Variants in AGBL1 observed in about 807,000 individuals in gnomAD.
The protein encoded by AGBL1 is AGBL carboxypeptidase 1, also known as cytosolic carboxypeptidase 4.
In AGBL1, 130 loss-of-function variants were observed where a neutral mutation model predicts 118.9. That is an observed-to-expected ratio of 1.09 (90% CI 0.95 to 1.26). AGBL1 has a LOEUF of 1.26. AGBL1 is among the 50% of genes most tolerant of loss of function. The pLI is 0.00. For synonymous variants in AGBL1, 555 were observed against 478.9 expected, an observed-to-expected ratio of 1.16 and a Z score of -2.08; for missense variants, 1,584 against 1,298.1, an observed-to-expected ratio of 1.22 and a Z score of -3.38.
intron 22 of AGBL1, among the ~76,000 whole-genome samples, chr15:86,750,798 A>G (rs1442594685): frequency 1.3e-5 from 2 of 150,790 alleles, no homozygotes; most frequent in African/African-American, 4.9e-5. Flanking sequence ...CCCGCCTTCC[A>G]CCCTCTGATA....
chr15:86,901,559 A>G (rs17703929), intron 22 of AGBL1, among the ~76,000 whole-genome samples: 109 of 152,252 alleles, frequency 7.2e-4, no homozygotes, highest in Non-Finnish European at 1.1e-3. Context: ...ACCAACTTAT[A>G]AAGAGTCCTA....
At chr15:86,845,785 C>A (rs1226588060) in intron 22 of AGBL1, among the ~76,000 whole-genome samples, 1 of 152,182 alleles carries the variant, frequency 6.6e-6, no homozygotes, top group Non-Finnish European at 1.5e-5. Context: ...TCTATTTCTT[C>A]ATGAATCCAT....
chr15:86,111,317 T>C (rs1313241898), intron 1 of AGBL1, among the ~76,000 whole-genome samples: 7 of 152,222 alleles, frequency 4.6e-5, no homozygotes, highest in Non-Finnish European at 1.0e-4. Flanking sequence ...GAATGCTGCT[T>C]TAAGGAAGTC....
At chr15:86,248,334 A>G (rs2078755282) in intron 7 of AGBL1, among the ~76,000 whole-genome samples, 2 of 152,210 alleles carry the variant, frequency 1.3e-5, no homozygotes, top group South Asian at 4.1e-4. Context: ...CAGCAACGGC[A>G]ACAATAAAAT....
chr15:86,724,235 CAA>C (rs1204898095), intron 22 of AGBL1, among the ~76,000 whole-genome samples: 2 of 73,858 alleles, frequency 2.7e-5, no homozygotes, highest in Admixed American at 1.9e-4. Context: ...GACTCCATCT[CAA>C]AAAAAAAAAA....
At chr15:86,733,353 A>T (rs561794686) in intron 22 of AGBL1, among the ~76,000 whole-genome samples, 19 of 152,110 alleles carry the variant, frequency 1.2e-4, no homozygotes, top group Admixed American at 3.3e-4. Flanking sequence ...AGATTGTATG[A>T]TGGCCAACCA....
At chr15:86,741,101 T>C (rs533290446) in intron 22 of AGBL1, among the ~76,000 whole-genome samples, 1 of 152,094 alleles carries the variant, frequency 6.6e-6, no homozygotes, top group South Asian at 2.1e-4. Flanking sequence ...CTACACATCA[T>C]TTGCTACTAG....
At chr15:86,823,227 A>C (rs1043882425) in intron 22 of AGBL1, among the ~76,000 whole-genome samples, 1 of 152,136 alleles carries the variant, frequency 6.6e-6, no homozygotes, top group Non-Finnish European at 1.5e-5. Context: ...CTGCTAATGG[A>C]ACCTAAATAC....
At chr15:86,659,118 AG>A (rs1335720405) in intron 21 of AGBL1, among the ~76,000 whole-genome samples, 2 of 152,168 alleles carry the variant, frequency 1.3e-5, no homozygotes, top group East Asian at 3.9e-4. Flanking sequence ...TTTCCTAAAA[AG>A]GGTCATTGAA....
intron 21 of AGBL1, among the ~76,000 whole-genome samples, chr15:86,633,846 A>ATG (rs565207723): frequency 1.7e-4 from 6 of 35,840 alleles, no homozygotes; most frequent in South Asian, 1.7e-3. Context: ...TATATATATA[A>ATG]TGTATATATA....
chr15:86,774,126 G>A (rs1424963788), intron 22 of AGBL1, among the ~76,000 whole-genome samples: 1 of 152,016 alleles, frequency 6.6e-6, no homozygotes, highest in African/African-American at 2.4e-5. Context: ...GCTTCAAGTG[G>A]GAGAAATTAG....
In AGBL1 at chr15:86,372,234, G is replaced by C. The variant is rs562515307; in HGVS notation, c.2375-25132G>C. On this transcript the variant is annotated intron_variant, in intron 17 of 22. Transcript: ENST00000614907. ...GAATGTCCCAATTCAGCCAAGAGTA[G>C]CACCCATTTGGTTGGCTTAGTCTTG... Among the ~76,000 whole-genome samples, 30 of 152,316 alleles carry C rather than the reference G, an allele frequency of 2.0e-4. No homozygotes were observed. In the South Asian group the frequency reaches 6.0e-3, roughly 30 times the overall value.
At chr15:86,266,735 T>C (rs879266030) in intron 12 of AGBL1, among the ~76,000 whole-genome samples, 1 of 152,144 alleles carries the variant, frequency 6.6e-6, no homozygotes, top group Admixed American at 6.5e-5. Flanking sequence ...ACTCTGTCTC[T>C]ACTAAAAATA....
At chr15:86,962,510 CA>C (rs2081003058) in intron 23 of AGBL1, among the ~76,000 whole-genome samples, 1 of 151,952 alleles carries the variant, frequency 6.6e-6, no homozygotes, top group Admixed American at 6.6e-5. Flanking sequence ...CGTTTCACCA[CA>C]AAACACTTTT....
At chr15:86,712,907 C>T (rs1279850999) in intron 22 of AGBL1, among the ~76,000 whole-genome samples, 1 of 152,184 alleles carries the variant, frequency 6.6e-6, no homozygotes, top group Non-Finnish European at 1.5e-5. Flanking sequence ...TCTCCAGCCT[C>T]ATTCCATGGT....
chr15:86,290,324 T>C (rs2079523440), intron 16 of AGBL1, among the ~76,000 whole-genome samples: 1 of 151,036 alleles, frequency 6.6e-6, no homozygotes. Context: ...AAGTGTGTCT[T>C]CAAGTCCTTC....
At position 86,691,266 on chromosome 15, in the gene AGBL1, C is replaced by A. The variant is rs1404885299; in HGVS notation, c.3158+16830C>A. 2.0e-5 allele frequency among the ~76,000 whole-genome samples: 3 copies of A among 152,264 alleles called. No individual in the cohort carries two copies. In the East Asian group the frequency reaches 5.8e-4, roughly 29 times the overall value. On this transcript the variant is annotated intron_variant, in intron 22 of 22. Transcript: ENST00000614907. ...GGCTAATTATAAAATATTCTTTTGTCTCTTAGCAAACTGCAGGGGGCAAGA... is the reference window on the plus strand; with the variant it reads ...GGCTAATTATAAAATATTCTTTTGTATCTTAGCAAACTGCAGGGGGCAAGA...
rs150183108 is a variant in AGBL1, at chr15:86,986,112, C to T, written c.3222-1875C>T. On this transcript the variant is annotated intron_variant, in intron 23 of 24. Transcript: ENST00000441037. ...CTAATTTTTGTATTTTTAGTAGAGA[C>T]GGGGTTTCGCCACGTTGGCCAGGCT... Among the ~76,000 whole-genome samples the T allele has an allele frequency of 5.1e-3, 780 of 152,048 alleles. 6 individuals are homozygous for T. The highest frequency in any genetic ancestry group is 0.018 in the African/African-American group (749 of 41,446).
intron 22 of AGBL1, among the ~76,000 whole-genome samples, chr15:86,716,523 C>T (rs1367441155): frequency 1.3e-5 from 2 of 152,060 alleles, no homozygotes; most frequent in Non-Finnish European, 2.9e-5. Context: ...TGGAAGATCC[C>T]AGCAAGATAT....
Sources: allele counts gnomAD v4.1 joint callset (sites outside exome capture counted in the v4.1 genomes callset), GRCh38; gene constraint gnomAD v4.1.1; transcripts MANE v1.5; gene names NCBI Gene and HGNC (gene_info 2026-07-23, HGNC 2026-07-21).